Variants in GUCY2C observed in about 807,000 individuals in gnomAD.
The protein encoded by GUCY2C is guanylyl cyclase C.
In GUCY2C, 118 loss-of-function variants were observed where a neutral mutation model predicts 131.1. That is an observed-to-expected ratio of 0.90 (90% CI 0.78 to 1.05). GUCY2C has a LOEUF of 1.05. Ranked by LOEUF, GUCY2C falls within the 50% of genes least tolerant of loss-of-function variation. The pLI is 0.00. For missense variants in GUCY2C, 1,161 were observed against 1,304.4 expected (o/e 0.89, Z 1.69); for synonymous variants, 452 against 457.8 (o/e 0.99, Z 0.16).
chr12:14,687,997 C>T lies in GUCY2C; in HGVS notation c.284G>A (p.Cys95Tyr). 1.9e-6 allele frequency: 3 copies of T among 1,613,918 alleles called. No individual in the cohort carries two copies. The highest frequency in any genetic ancestry group is 2.5e-6 in the Non-Finnish European group (3 of 1,179,788). Residue 95 changes from cysteine to tyrosine, a missense_variant, in exon 2 of 27, where the codon TGC becomes TAC. Coordinates refer to ENST00000261170, the MANE Select transcript of GUCY2C (RefSeq NM_004963.4). ...SDGLIHNSGD[C>Y]RSSTCEGLDL... ...GAGGCCTTCACAGGTGCTACTCCGG[C>T]AGTCGCCTGAGTTATGAATCAGACC...
At chr12:14,619,035 A>G in intron 24 of GUCY2C, 176 bp downstream of exon 24, 1 of 544,118 alleles carries the variant, frequency 1.8e-6, no homozygotes, top group Non-Finnish European at 3.3e-6. Flanking sequence ...GTAAACAACA[A>G]TGAAAGCAAA....
chr12:14,634,227 G>A (rs1947213659), intron 19 of GUCY2C, among the ~76,000 whole-genome samples: 1 of 152,176 alleles, frequency 6.6e-6, no homozygotes, highest in South Asian at 2.1e-4. Context: ...AAAGGGATGA[G>A]GTAGTCAAAG....
intron 1 of GUCY2C, among the ~76,000 whole-genome samples, chr12:14,692,065 A>G (rs1246591169): frequency 6.6e-6 from 1 of 152,192 alleles, no homozygotes; most frequent in Non-Finnish European, 1.5e-5. Flanking sequence ...TAGAACTTTG[A>G]TATGCTGTAG....
At chr12:14,655,099 T>C (rs886948947) in intron 12 of GUCY2C, among the ~76,000 whole-genome samples, 1 of 152,190 alleles carries the variant, frequency 6.6e-6, no homozygotes, top group African/African-American at 2.4e-5. Context: ...CTATGAAAGC[T>C]CACTGCCCAT....
At chr12:14,660,724 C>A (rs993765749) in intron 11 of GUCY2C, among the ~76,000 whole-genome samples, 8 of 152,166 alleles carry the variant, frequency 5.3e-5, no homozygotes, top group Non-Finnish European at 1.0e-4. Context: ...CTAAGTAACA[C>A]GCTTAAGACC....
At chr12:14,673,743 A>C (rs1793374332) in intron 8 of GUCY2C, among the ~76,000 whole-genome samples, 2 of 152,214 alleles carry the variant, frequency 1.3e-5, no homozygotes, top group South Asian at 4.1e-4. Context: ...TAATCCATTA[A>C]AATGCTCAAC....
intron 4 of GUCY2C, among the ~76,000 whole-genome samples, chr12:14,682,480 CTG>C (rs1262678924): frequency 6.6e-6 from 1 of 152,216 alleles, no homozygotes; most frequent in Non-Finnish European, 1.5e-5. Context: ...CTATGCGAAA[CTG>C]TGAGTCAATT....
intron 10 of GUCY2C, chr12:14,666,068 T>C (rs1396525831): frequency 6.6e-6 from 1 of 152,322 alleles, no homozygotes; most frequent in Non-Finnish European, 1.5e-5. Flanking sequence ...CAGTAGGTTA[T>C]ATAGGGAGGC....
chr12:14,661,087 G>A, intron 10 of GUCY2C, 25 bp from the exon 11 acceptor site: 1 of 1,467,208 alleles, frequency 6.8e-7, no homozygotes, highest in Admixed American at 1.7e-5. Context: ...GCGTTAGGAA[G>A]GACCTTAGAC....
intron 1 of GUCY2C, among the ~76,000 whole-genome samples, chr12:14,695,814 G>C (rs1364313252): frequency 6.6e-6 from 1 of 151,914 alleles, no homozygotes; most frequent in Non-Finnish European, 1.5e-5. Context: ...AATAAACTGA[G>C]TTTATTTTTA....
Position 14,669,813 on chromosome 12 carries a change from A to G in GUCY2C, c.1191T>C (p.Tyr397=). ...GATAGGTCTTATTTACGTGGGTATC[A>G]TAGGTCAAAAGAACCTTGTACTGTG... ...DTKKYKVLLT[Y]DTHVNKTYPV... is the part of the protein sequence containing the mutation. The change falls in exon 10 of 27, where the codon TAT becomes TAC. Residue 397 remains tyrosine (Y), a synonymous_variant. Transcript: ENST00000261170. 1.3e-6 allele frequency: 2 copies of G among 1,576,632 alleles called. No homozygotes were observed. The highest frequency in any genetic ancestry group is 1.7e-6 in the Non-Finnish European group (2 of 1,149,646).
At chr12:14,664,105 T>C (rs1947921934) in intron 10 of GUCY2C, among the ~76,000 whole-genome samples, 1 of 152,240 alleles carries the variant, frequency 6.6e-6, no homozygotes, top group Non-Finnish European at 1.5e-5. Context: ...TACCTTGTTT[T>C]GTGTTCATGG....
intron 1 of GUCY2C, among the ~76,000 whole-genome samples, chr12:14,694,846 A>G (rs1948629688): frequency 6.6e-6 from 1 of 152,236 alleles, no homozygotes; most frequent in Non-Finnish European, 1.5e-5. Context: ...CATTGACTCA[A>G]TAAGTCTATT....
Position 14,660,991 on chromosome 12 carries a change from G to T in GUCY2C, c.1354C>A (p.Leu452Met). The change falls in exon 11 of 27, where the codon CTG (leucine) becomes ATG (methionine). Residue 452 changes from leucine (L) to methionine (M), a missense_variant. Leu to Met is a conservative substitution (Grantham distance 15, BLOSUM62 2). Transcript: ENST00000261170. ...AVVLLLLVAL[L>M]MLRKYRKDYE... ...TAGAGGCGGCTGTACCTGAGCATCAGGAGAGCGACGAGCAGGAGCAGCACC... is the reference window on the plus strand; with the variant it reads ...TAGAGGCGGCTGTACCTGAGCATCATGAGAGCGACGAGCAGGAGCAGCACC... The T allele has an allele frequency of 1.2e-6, 2 of 1,610,022 alleles. No individual in the cohort carries two copies. The highest frequency in any genetic ancestry group is 1.7e-6 in the Non-Finnish European group (2 of 1,176,312).
At chr12:14,621,368 G>GATTTC in intron 22 of GUCY2C, 152 bp from the exon 23 acceptor site, 1 of 626,718 alleles carries the variant, frequency 1.6e-6, no homozygotes, top group Non-Finnish European at 2.8e-6. Flanking sequence ...AGTTGGATCA[G>GATTTC]TTCTATGCTG....
chr12:14,690,756 T>C (rs1340820375), intron 1 of GUCY2C, among the ~76,000 whole-genome samples: 1 of 152,110 alleles, frequency 6.6e-6, no homozygotes, highest in Admixed American at 6.6e-5. Context: ...TTAGCCAGGA[T>C]GGTCTCGATC....
At chr12:14,656,824 G>A (rs972185126) in intron 11 of GUCY2C, among the ~76,000 whole-genome samples, 3 of 152,124 alleles carry the variant, frequency 2.0e-5, no homozygotes, top group Non-Finnish European at 2.9e-5. Flanking sequence ...CTTTTATAGC[G>A]GTGGCCCTCA....
intron 19 of GUCY2C, among the ~76,000 whole-genome samples, chr12:14,635,037 C>G (rs1479942633): frequency 6.6e-6 from 1 of 152,222 alleles, no homozygotes; most frequent in Non-Finnish European, 1.5e-5. Context: ...CAACACTCCA[C>G]TCTCAGCATT....
chr12:14,653,122 T>C, intron 12 of GUCY2C, 108 bp from the exon 13 acceptor site: 2 of 835,288 alleles, frequency 2.4e-6, no homozygotes, highest in Admixed American at 1.7e-5. Flanking sequence ...GTTTCCTCAA[T>C]AACATGCTGG....
Sources: allele counts gnomAD v4.1 joint callset (sites outside exome capture counted in the v4.1 genomes callset), GRCh38; gene constraint gnomAD v4.1.1; transcripts MANE v1.5; gene names NCBI Gene and HGNC (gene_info 2026-07-23, HGNC 2026-07-21).